CPE: variants seen among roughly 807,000 people sequenced by gnomAD.
CPE encodes the protein carbocypeptidase E.
A neutral mutation model predicts 53.5 loss-of-function variants in CPE; 17 were observed. The ratio of observed to expected loss-of-function variants is 0.32; its 90% CI spans 0.22 to 0.48. CPE has a LOEUF of 0.48. CPE is among the 20% of genes least tolerant of loss of function. The pLI, the probability that CPE is intolerant of heterozygous loss-of-function variation, is 0.99. For synonymous variants in CPE, 226 were observed against 228.8 expected, an observed-to-expected ratio of 0.99 and a Z score of 0.11; for missense variants, 524 against 614.7, an observed-to-expected ratio of 0.85 and a Z score of 1.56.
chr4:165,449,006 G>C (rs993756748), intron 1 of CPE, among the ~76,000 whole-genome samples: 4 of 152,184 alleles, frequency 2.6e-5, no homozygotes, highest in Admixed American at 2.0e-4. Context: ...GATGAAAAGA[G>C]TTCCTACTTC....
At chr4:165,409,296 A>G (rs1730999924) in intron 1 of CPE, among the ~76,000 whole-genome samples, 1 of 152,082 alleles carries the variant, frequency 6.6e-6, no homozygotes, top group Non-Finnish European at 1.5e-5. Context: ...CTCTGCCTCC[A>G]GGGTTCAAGT....
chr4:165,419,054 C>T lies in CPE; in HGVS notation c.307+39526C>T, dbSNP rs1330366735. 2.6e-5 allele frequency among the ~76,000 whole-genome samples: 4 copies of T among 152,136 alleles called. No homozygotes were observed. In the South Asian group the frequency reaches 6.2e-4, roughly 24 times the overall value. On this transcript the variant is annotated intron_variant, in intron 1 of 8. Coordinates refer to ENST00000402744, the MANE Select transcript of CPE (RefSeq NM_001873.4). ...TACTCCGTGGTCTTCTGGTGGTGTG[C>T]AACTTGAGGAATCAAATAAGCCAGG...
intron 1 of CPE, 48 bp from the exon 2 acceptor site, chr4:165,464,342 C>A: frequency 7.0e-7 from 1 of 1,434,376 alleles, no homozygotes; most frequent in Admixed American, 2.1e-5. Context: ...ATATATTTGG[C>A]TCTGTATGTC....
chr4:165,381,429 C>A, intron 1 of CPE: 1 of 416,534 alleles, frequency 2.4e-6, no homozygotes. Flanking sequence ...TCAATAGCTG[C>A]ATAACACAGT....
chr4:165,404,555 T>C (rs1730923216), intron 1 of CPE: 2 of 920,862 alleles, frequency 2.2e-6, no homozygotes. Flanking sequence ...GCCCAGATCT[T>C]TGGCCACATG....
intron 1 of CPE, among the ~76,000 whole-genome samples, chr4:165,441,142 C>T (rs1425730926): frequency 1.3e-5 from 2 of 152,066 alleles, no homozygotes; most frequent in African/African-American, 4.8e-5. Context: ...TCAGGATGGC[C>T]CCATTTATGA....
chr4:165,466,470 T>TA (rs368496519), intron 2 of CPE, among the ~76,000 whole-genome samples: 6 of 152,260 alleles, frequency 3.9e-5, no homozygotes, highest in African/African-American at 1.4e-4. Context: ...ACTAAATTTA[T>TA]AAAAACTATT....
At chr4:165,460,465 C>T (rs1731980418) in intron 1 of CPE, among the ~76,000 whole-genome samples, 2 of 152,166 alleles carry the variant, frequency 1.3e-5, no homozygotes, top group South Asian at 4.2e-4. Flanking sequence ...CTGCTGCCTT[C>T]ATTCCCAAAG....
intron 1 of CPE, among the ~76,000 whole-genome samples, chr4:165,408,375 G>A (rs1293435253): frequency 6.6e-6 from 1 of 151,882 alleles, no homozygotes. Context: ...TTTTGCAGAT[G>A]GATATCCCAT....
intron 1 of CPE, among the ~76,000 whole-genome samples, chr4:165,398,461 T>TAC (rs879883350): frequency 2.0e-5 from 3 of 152,164 alleles, no homozygotes; most frequent in Non-Finnish European, 2.9e-5. Context: ...TACATATGCA[T>TAC]ACACACACAT....
chr4:165,476,471 T>C (rs181669478), intron 3 of CPE, among the ~76,000 whole-genome samples: 45 of 149,914 alleles, frequency 3.0e-4, no homozygotes, highest in African/African-American at 1.0e-3. Flanking sequence ...GAAGGTCATA[T>C]ACCAGTTAAA....
At chr4:165,474,297 C>T (rs573104904) in intron 3 of CPE, among the ~76,000 whole-genome samples, 1 of 152,268 alleles carries the variant, frequency 6.6e-6, no homozygotes, top group East Asian at 1.9e-4. Context: ...TATTTTCTCC[C>T]AGTTCATTTT....
intron 1 of CPE, among the ~76,000 whole-genome samples, chr4:165,434,544 A>G (rs565068155): frequency 6.6e-6 from 1 of 152,302 alleles, no homozygotes; most frequent in African/African-American, 2.4e-5. Context: ...TAAATATTAT[A>G]TACTCTTTTT....
At position 165,411,431 on chromosome 4, in the gene CPE, T is replaced by C. The variant is rs954366280; in HGVS notation, c.307+31903T>C. ...TTATGTCATTCCACAGAGCTCACAGTTACCACCTGGTAGGTACCCTTGACA... is the reference window on the plus strand; with the variant it reads ...TTATGTCATTCCACAGAGCTCACAGCTACCACCTGGTAGGTACCCTTGACA... On this transcript the variant is annotated intron_variant, in intron 1 of 8. Coordinates refer to ENST00000402744, the MANE Select transcript of CPE (RefSeq NM_001873.4). Among the ~76,000 whole-genome samples the C allele has an allele frequency of 5.9e-5, 9 of 152,202 alleles. 1 individual carries two copies. The highest frequency in any genetic ancestry group is 2.2e-4 in the African/African-American group (9 of 41,458).
At chr4:165,454,299 T>G (rs532664317) in intron 1 of CPE, among the ~76,000 whole-genome samples, 1 of 152,328 alleles carries the variant, frequency 6.6e-6, no homozygotes, top group South Asian at 2.1e-4. Flanking sequence ...TTCTACTGCG[T>G]GGCCTACTCC....
chr4:165,486,497 A>G (rs965676817), intron 5 of CPE, among the ~76,000 whole-genome samples: 21 of 152,184 alleles, frequency 1.4e-4, no homozygotes, highest in Non-Finnish European at 7.4e-5. Context: ...GGAAAAGTCA[A>G]GCTGGGAACT....
chr4:165,401,481 C>G lies in CPE; in HGVS notation c.307+21953C>G, dbSNP rs552804643. On this transcript the variant is annotated intron_variant, in intron 1 of 8. Coordinates refer to ENST00000402744, the MANE Select transcript of CPE (RefSeq NM_001873.4). ...GCTTAATGGCCTTAAAGAAGAAAGT[C>G]TTTATGTGGCTCAGCTTCCACTCTG... is the stretch of plus-strand genomic sequence containing the variant. Among the ~76,000 whole-genome samples, 8 of 152,172 alleles carry G rather than the reference C, an allele frequency of 5.3e-5. No individual in the cohort carries two copies. In the South Asian group the frequency reaches 1.7e-3, roughly 32 times the overall value.
intron 5 of CPE, 24 bp from the exon 6 acceptor site, chr4:165,487,414 A>T: frequency 6.2e-7 from 1 of 1,612,912 alleles, no homozygotes. Flanking sequence ...GCATATTTTG[A>T]CTTTCCATTT....
chr4:165,463,789 C>T (rs1034908399), intron 1 of CPE, among the ~76,000 whole-genome samples: 6 of 152,312 alleles, frequency 3.9e-5, no homozygotes, highest in South Asian at 2.1e-4. Context: ...ATAGGAGGCA[C>T]GTAGTGTGTT....
Sources: gnomAD v4.1 joint callset for allele counts (sites outside exome capture counted in the v4.1 genomes callset) on GRCh38, gnomAD v4.1.1 for gene constraint, MANE v1.5 for transcripts, NCBI Gene and HGNC (gene_info 2026-07-23, HGNC 2026-07-21) for gene names.